The following CTTNBP2NL variants were observed in gnomAD, a reference collection of about 807,000 sequenced individuals.
CTTNBP2NL encodes CTTNBP2 N-terminal-like protein.
CTTNBP2NL carries 16 observed loss-of-function variants against 32.5 expected under a neutral mutation model. That is an observed-to-expected ratio of 0.49 (90% CI 0.33 to 0.75). The LOEUF (loss-of-function observed/expected upper bound fraction) is 0.75, where lower values mean the gene tolerates loss of function less well. Among genes scored for constraint, CTTNBP2NL ranks in the 30% least tolerant of loss-of-function variants. The probability of loss-of-function intolerance (pLI) is 0.02; values close to 1 mark genes in which losing one functional copy is unlikely to be tolerated. For missense variants in CTTNBP2NL, 645 were observed against 756.0 expected (o/e 0.85, Z 1.72); for synonymous variants, 298 against 289.4 (o/e 1.03, Z -0.30).
At chr1:112,401,049 T>C (rs114644188) in intron 1 of CTTNBP2NL, among the ~76,000 whole-genome samples, 1,939 of 150,778 alleles carry the variant, frequency 0.013, 23 homozygotes, top group Non-Finnish European at 0.021. Context: ...GTACCCAGGA[T>C]ATAAGAAGCA....
rs752340773 is a variant in CTTNBP2NL at position 112,457,462 on chromosome 1, A to G, written c.*50A>G. ...TGACATTCCATCAGATTTCGTCCAA[A>G]AGCTCAGTCAGACTTCTGAGTCAGA... On this transcript the variant is annotated 3_prime_UTR_variant, in exon 6 of 6. Coordinates refer to ENST00000271277, the MANE Select transcript of CTTNBP2NL (RefSeq NM_018704.3). 6.0e-6 allele frequency: 9 copies of G among 1,491,712 alleles called. No homozygotes were observed. The highest frequency in any genetic ancestry group is 8.2e-6 in the Non-Finnish European group (9 of 1,098,688). The allele number at this position is 1,491,712 out of a possible 1,614,324, so 92.4% of individuals were successfully genotyped here.
intron 1 of CTTNBP2NL, among the ~76,000 whole-genome samples, chr1:112,409,356 G>A (rs554753188): frequency 7.9e-5 from 12 of 152,070 alleles, no homozygotes; most frequent in Admixed American, 4.6e-4. Context: ...TTTATCCAGC[G>A]TTGCAAGAAT....
chr1:112,404,103 G>A (rs1404920141), intron 1 of CTTNBP2NL, among the ~76,000 whole-genome samples: 3 of 152,178 alleles, frequency 2.0e-5, no homozygotes, highest in Non-Finnish European at 2.9e-5. Flanking sequence ...AAGGTTAAAT[G>A]GATGAAAGAG....
chr1:112,416,439 C>A (rs554037048), intron 3 of CTTNBP2NL, among the ~76,000 whole-genome samples, 175 bp downstream of exon 3: 4 of 152,114 alleles, frequency 2.6e-5, no homozygotes, highest in African/African-American at 9.6e-5. Context: ...ACTGGTGAAA[C>A]CTTTCTGTTT....
At chr1:112,391,990 C>CAATAAATA (rs140750530), upstream of CTTNBP2NL, among the ~76,000 whole-genome samples, 4,247 of 149,146 alleles carry the variant, frequency 0.028, 188 homozygotes, top group African/African-American at 0.093. Flanking sequence ...GACCCTGTCT[C>CAATAAATA]AATAAATAAA....
chr1:112,450,264 C>T (rs560376390), intron 4 of CTTNBP2NL, among the ~76,000 whole-genome samples: 20 of 152,246 alleles, frequency 1.3e-4, no homozygotes, highest in Middle Eastern at 3.4e-3. Context: ...ACTTCTTAAC[C>T]ATGGATAGGC....
rs531771847 is a variant in CTTNBP2NL, at chr1:112,444,234, G to C, written c.100-4708G>C. ...AATTCTTCACCATTGGATTTTGAAC[G>C]ATTTTTCATGTTGGTGCCAAAGAAT... On this transcript the variant is annotated intron_variant, in intron 3 of 5. Transcript: ENST00000271277. 2.0e-5 allele frequency among the ~76,000 whole-genome samples: 3 copies of C among 152,238 alleles called. No individual in the cohort carries two copies. The East Asian group carries it at 5.8e-4, about 29-fold the overall frequency.
chr1:112,438,176 G>A (rs1213014129), intron 3 of CTTNBP2NL, among the ~76,000 whole-genome samples: 1 of 152,172 alleles, frequency 6.6e-6, no homozygotes, highest in African/African-American at 2.4e-5. Flanking sequence ...TAGTTCATGA[G>A]CATGGAGTGT....
intron 1 of CTTNBP2NL, among the ~76,000 whole-genome samples, chr1:112,406,363 T>TA (rs1648666082): frequency 1.3e-5 from 2 of 152,314 alleles, no homozygotes; most frequent in South Asian, 4.1e-4. Flanking sequence ...CTAAGGCTGA[T>TA]AAAATGAGAG....
At chr1:112,436,081 T>G (rs979445076) in intron 3 of CTTNBP2NL, among the ~76,000 whole-genome samples, 3 of 150,878 alleles carry the variant, frequency 2.0e-5, no homozygotes, top group Non-Finnish European at 4.4e-5. Flanking sequence ...CTTTTTTTTT[T>G]GTCCTGTTTT....
At position 112,459,373 on chromosome 1, in the gene CTTNBP2NL, T is replaced by G. The variant is rs1295820605; in HGVS notation, c.*1961T>G. 6.6e-6 allele frequency: 1 copy of G among 152,230 alleles called. No individual in the cohort carries two copies. Among genetic ancestry groups the G allele is most frequent in the Non-Finnish European group, 1.5e-5 (1 of 68,040 alleles). 9.4% of individuals were successfully genotyped at this position (152,230 alleles called of 1,614,324 possible). On this transcript the variant is annotated 3_prime_UTR_variant, in exon 6 of 6. Coordinates refer to ENST00000271277, the MANE Select transcript of CTTNBP2NL (RefSeq NM_018704.3). Reference sequence around the variant, plus strand: ...ATTTTGTGTCCATACAGGAGAGGCCTTGGTGTCTTCACATACATTCTCTGA... The same window carrying G: ...ATTTTGTGTCCATACAGGAGAGGCCGTGGTGTCTTCACATACATTCTCTGA...
At chr1:112,448,276 G>A (rs1650113873) in intron 3 of CTTNBP2NL, among the ~76,000 whole-genome samples, 1 of 152,210 alleles carries the variant, frequency 6.6e-6, no homozygotes, top group African/African-American at 2.4e-5. Context: ...GTCTGGTTAT[G>A]AGGTGCCTCC....
intron 3 of CTTNBP2NL, among the ~76,000 whole-genome samples, chr1:112,419,991 A>G (rs924026088): frequency 6.6e-6 from 1 of 152,214 alleles, no homozygotes; most frequent in Non-Finnish European, 1.5e-5. Context: ...TCTAGTTCCC[A>G]ACTGGGATAT....
At chr1:112,409,710 C>G (rs1267445844) in intron 1 of CTTNBP2NL, among the ~76,000 whole-genome samples, 1 of 152,178 alleles carries the variant, frequency 6.6e-6, no homozygotes, top group African/African-American at 2.4e-5. Context: ...AAAATGGCAG[C>G]AGCAATGCTT....
Position 112,456,686 on chromosome 1 carries a change from T to C in CTTNBP2NL, c.1194T>C (p.Thr398=). 1 of 1,614,050 alleles carries C rather than the reference T, an allele frequency of 6.2e-7. No homozygotes were observed. Among genetic ancestry groups the C allele is most frequent in the Non-Finnish European group, 8.5e-7 (1 of 1,180,012 alleles). The part of the protein sequence containing the change: ...ENGGCPVGIE[T]PVPMPSPLSS... ...GTGGGTGTCCTGTGGGGATTGAGAC[T>C]CCAGTCCCAATGCCCAGTCCCCTCT... The change falls in exon 6 of 6, where the codon ACT becomes ACC. Residue 398 remains threonine, a synonymous_variant. Coordinates refer to ENST00000271277, the MANE Select transcript of CTTNBP2NL (RefSeq NM_018704.3).
rs1557901418 is a variant in CTTNBP2NL, at chr1:112,460,485, CT to C, written c.*3078del. ...TTTAAACCTTTTGGTGGTTCTGGAC[CT>C]TTTTGAGAATCTTAGAAAAGCCATG... On this transcript the variant is annotated 3_prime_UTR_variant, in exon 6 of 6. Transcript: ENST00000271277. 1.3e-5 allele frequency: 2 copies of C among 152,176 alleles called. No homozygotes were observed. Among genetic ancestry groups the C allele is most frequent in the South Asian group, 4.1e-4 (2 of 4,822 alleles). The allele number at this position is 152,176 out of a possible 1,614,324, so 9.4% of individuals were successfully genotyped here.
intron 3 of CTTNBP2NL, among the ~76,000 whole-genome samples, chr1:112,438,815 C>A (rs532238533): frequency 4.7e-4 from 72 of 152,148 alleles, no homozygotes; most frequent in Non-Finnish European, 9.8e-4. Flanking sequence ...TTGTGCCTTA[C>A]TGCAGTGATG....
At chr1:112,438,191 C>T (rs1165365765) in intron 3 of CTTNBP2NL, among the ~76,000 whole-genome samples, 1 of 152,020 alleles carries the variant, frequency 6.6e-6, no homozygotes, top group African/African-American at 2.4e-5. Flanking sequence ...GAGTGTTTTT[C>T]CATTTGTTTG....
chr1:112,446,128 A>T (rs1047858686), intron 3 of CTTNBP2NL, among the ~76,000 whole-genome samples: 2 of 152,124 alleles, frequency 1.3e-5, no homozygotes, highest in African/African-American at 4.8e-5. Context: ...AGCTGCATAA[A>T]GAGATTATTT....
Sources: allele counts gnomAD v4.1 joint callset (sites outside exome capture counted in the v4.1 genomes callset), GRCh38; gene constraint gnomAD v4.1.1; transcripts MANE v1.5; gene names NCBI Gene and HGNC (gene_info 2026-07-23, HGNC 2026-07-21).